The following CACNA2D1 variants were observed in gnomAD, a reference collection of about 807,000 sequenced individuals.
CACNA2D1 encodes the protein calcium voltage-gated channel auxiliary subunit alpha2delta 1, also known as voltage-dependent calcium channel subunit alpha-2/delta-1.
Under a neutral mutation model 171.5 loss-of-function variants are expected in CACNA2D1, and 53 were observed. The observed-to-expected ratio is 0.31, with a 90% CI of 0.25 to 0.39. CACNA2D1 has a LOEUF of 0.39. Ranked by LOEUF, CACNA2D1 falls within the 10% of genes least tolerant of loss-of-function variation. The probability of loss-of-function intolerance (pLI) is 1.00; values close to 1 mark genes in which losing one functional copy is unlikely to be tolerated. For missense variants in CACNA2D1, 903 were observed against 1,299.8 expected (o/e 0.69, Z 4.69); for synonymous variants, 442 against 443.1 (o/e 1.00, Z 0.03).
At chr7:82,173,345 A>C (rs891154483) in intron 3 of CACNA2D1, among the ~76,000 whole-genome samples, 6 of 152,090 alleles carry the variant, frequency 3.9e-5, no homozygotes, top group African/African-American at 1.4e-4. Flanking sequence ...TTTTAGAAAA[A>C]TAAAGGCATG....
At chr7:82,317,118 C>T (rs1468642613) in intron 3 of CACNA2D1, among the ~76,000 whole-genome samples, 1 of 152,188 alleles carries the variant, frequency 6.6e-6, no homozygotes, top group African/African-American at 2.4e-5. Flanking sequence ...TAAACATTAA[C>T]TATACCATAC....
chr7:82,173,518 C>T (rs577606476), intron 3 of CACNA2D1, among the ~76,000 whole-genome samples: 1 of 152,032 alleles, frequency 6.6e-6, no homozygotes, highest in Admixed American at 6.6e-5. Context: ...AATATTTTTA[C>T]CTAGCAAATT....
At chr7:82,311,073 C>T (rs959857734) in intron 3 of CACNA2D1, among the ~76,000 whole-genome samples, 3 of 151,924 alleles carry the variant, frequency 2.0e-5, no homozygotes, top group Non-Finnish European at 4.4e-5. Flanking sequence ...TAATATGTGT[C>T]CAAAATTTGA....
At chr7:82,146,531 T>A (rs1428583983) in intron 4 of CACNA2D1, among the ~76,000 whole-genome samples, 1 of 146,616 alleles carries the variant, frequency 6.8e-6, no homozygotes, top group Non-Finnish European at 1.5e-5. Context: ...TATATCTATA[T>A]ATATATCTTT....
intron 12 of CACNA2D1, among the ~76,000 whole-genome samples, chr7:82,016,839 A>C (rs1800540612): frequency 6.6e-6 from 1 of 152,074 alleles, no homozygotes; most frequent in Non-Finnish European, 1.5e-5. Flanking sequence ...GTTCTTGGCT[A>C]CTTAAATGTA....
chr7:82,344,698 A>G (rs574560594), intron 2 of CACNA2D1, among the ~76,000 whole-genome samples: 13 of 152,282 alleles, frequency 8.5e-5, no homozygotes, highest in Non-Finnish European at 1.6e-4. Flanking sequence ...TGCAGTCAAA[A>G]TAGATTTCTT....
intron 21 of CACNA2D1, 57 bp downstream of exon 21, chr7:81,991,128 G>A: frequency 1.2e-6 from 1 of 852,118 alleles, no homozygotes; most frequent in Non-Finnish European, 2.0e-6. Context: ...TTGTGAAAAT[G>A]CAGACTTAAT....
At chr7:82,318,958 G>A (rs1815467105) in intron 3 of CACNA2D1, among the ~76,000 whole-genome samples, 1 of 152,276 alleles carries the variant, frequency 6.6e-6, no homozygotes, top group African/African-American at 2.4e-5. Context: ...AAAACACTAG[G>A]CAGAGTGCCT....
chr7:82,399,601 G>A (rs1826128258), intron 1 of CACNA2D1, among the ~76,000 whole-genome samples: 1 of 151,972 alleles, frequency 6.6e-6, no homozygotes, highest in Non-Finnish European at 1.5e-5. Context: ...CAGGGAGACT[G>A]GCGAATCTTG....
intron 3 of CACNA2D1, among the ~76,000 whole-genome samples, chr7:82,317,363 C>CGT (rs1008307598): frequency 6.6e-6 from 1 of 152,114 alleles, no homozygotes; most frequent in Admixed American, 6.6e-5. Context: ...GGATAATTCC[C>CGT]GTGTGTGTGT....
chr7:82,282,616 C>A (rs1030445033), intron 3 of CACNA2D1, among the ~76,000 whole-genome samples: 2 of 150,666 alleles, frequency 1.3e-5, no homozygotes, highest in African/African-American at 4.9e-5. Flanking sequence ...ATATTTATAA[C>A]TAGTTCATAT....
At chr7:81,977,834 C>T (rs1796010272) in intron 24 of CACNA2D1, among the ~76,000 whole-genome samples, 1 of 151,922 alleles carries the variant, frequency 6.6e-6, no homozygotes, top group Admixed American at 6.6e-5. Context: ...TTTTTGCAAT[C>T]TATCCATCTG....
chr7:81,998,805 A>G (rs1798303252), intron 18 of CACNA2D1, among the ~76,000 whole-genome samples: 1 of 152,106 alleles, frequency 6.6e-6, no homozygotes, highest in Non-Finnish European at 1.5e-5. Context: ...CTCATTTGAA[A>G]TGCAGCGTAT....
intron 1 of CACNA2D1, among the ~76,000 whole-genome samples, chr7:82,384,525 G>C (rs1488472059): frequency 6.6e-6 from 1 of 151,862 alleles, no homozygotes; most frequent in Non-Finnish European, 1.5e-5. Flanking sequence ...CCCAGTCTAT[G>C]GTTTTTCTTA....
chr7:82,128,452 C>T (rs79038646), intron 5 of CACNA2D1, among the ~76,000 whole-genome samples: 2,142 of 152,270 alleles, frequency 0.014, 20 homozygotes, highest in Middle Eastern at 0.027. Context: ...GAGGAATTGT[C>T]TTATACCAGA....
chr7:82,159,370 A>G lies in CACNA2D1; in HGVS notation c.354+11180T>C, dbSNP rs757041141. 2.9e-4 allele frequency among the ~76,000 whole-genome samples: 44 copies of G among 151,828 alleles called. 1 individual carries two copies. The highest frequency in any genetic ancestry group is 1.0e-3 in the African/African-American group (42 of 41,402). ...TTTGAAAGGAAGCACACTTTGTAAG[A>G]TATTTGAGACTATTCATCAAGTTTC... On this transcript the variant is annotated intron_variant, in intron 4 of 38. Transcript: ENST00000356860.
At chr7:82,249,633 G>A (rs558205141) in intron 3 of CACNA2D1, among the ~76,000 whole-genome samples, 17 of 152,084 alleles carry the variant, frequency 1.1e-4, no homozygotes, top group East Asian at 7.7e-4. Context: ...CTTTTCATCC[G>A]TCCAGTGGGA....
chr7:82,174,365 A>G (rs1041282209), intron 3 of CACNA2D1, among the ~76,000 whole-genome samples: 2 of 152,066 alleles, frequency 1.3e-5, no homozygotes, highest in African/African-American at 2.4e-5. Context: ...CTTTATTGTA[A>G]CTGAGATACC....
Position 82,277,745 on chromosome 7 carries a change from C to CTTTTTTT in CACNA2D1, c.294+57389_294+57390insAAAAAAA, listed in dbSNP as rs1186719410. 8.4e-5 allele frequency among the ~76,000 whole-genome samples: 12 copies of CTTTTTTT among 142,152 alleles called. 1 individual carries two copies. The highest frequency in any genetic ancestry group is 7.6e-5 in the Non-Finnish European group (5 of 66,134). The allele number at this position is 142,152 out of a possible 152,430, so 93.3% of individuals were successfully genotyped here. ...GCATATTTGATTTTTTAATTTTTTA[C>CTTTTTTT]TTTTATTTTTTTTTTTTTGAGATGG... On this transcript the variant is annotated intron_variant, in intron 3 of 38. Coordinates refer to ENST00000356860, the MANE Select transcript of CACNA2D1 (RefSeq NM_000722.4).
Sources: allele counts gnomAD v4.1 joint callset (sites outside exome capture counted in the v4.1 genomes callset), GRCh38; gene constraint gnomAD v4.1.1; transcripts MANE v1.5; gene names NCBI Gene and HGNC (gene_info 2026-07-23, HGNC 2026-07-21).